DLGAP2: variants seen among roughly 807,000 people sequenced by gnomAD.
DLGAP2 encodes disks large-associated protein 2.
DLGAP2 carries 26 observed loss-of-function variants against 100.3 expected under a neutral mutation model. The ratio of observed to expected loss-of-function variants is 0.26; its 90% CI spans 0.19 to 0.36. The LOEUF (loss-of-function observed/expected upper bound fraction) is 0.36, where lower values mean the gene tolerates loss of function less well. Ranked by LOEUF, DLGAP2 falls within the 10% of genes least tolerant of loss-of-function variation. The probability of loss-of-function intolerance (pLI) is 1.00; values close to 1 mark genes in which losing one functional copy is unlikely to be tolerated. For synonymous variants in DLGAP2, 886 were observed against 630.1 expected, an observed-to-expected ratio of 1.41 and a Z score of -6.08; for missense variants, 1,858 against 1,453.2, an observed-to-expected ratio of 1.28 and a Z score of -4.53.
chr8:821,442 C>T (rs1389572657), intron 1 of DLGAP2, among the ~76,000 whole-genome samples: 3 of 152,154 alleles, frequency 2.0e-5, no homozygotes, highest in Admixed American at 6.5e-5. Flanking sequence ...GTACTTCCTC[C>T]GATTCATTTC....
At chr8:1,586,822 C>T (rs1178666863) in intron 6 of DLGAP2, among the ~76,000 whole-genome samples, 2 of 152,216 alleles carry the variant, frequency 1.3e-5, no homozygotes, top group Non-Finnish European at 2.9e-5. Flanking sequence ...GCTCAACCAC[C>T]AGTCTACTTA....
At chr8:1,294,637 C>T (rs564817932) in intron 3 of DLGAP2, among the ~76,000 whole-genome samples, 2 of 152,246 alleles carry the variant, frequency 1.3e-5, no homozygotes, top group South Asian at 2.1e-4. Context: ...TTTTTATTAT[C>T]TGTTACCAAA....
chr8:781,477 G>A (rs1254261942), intron 1 of DLGAP2, among the ~76,000 whole-genome samples: 1 of 151,980 alleles, frequency 6.6e-6, no homozygotes, highest in Non-Finnish European at 1.5e-5. Flanking sequence ...AAATATGAAA[G>A]CATTTTGAGA....
chr8:1,364,271 C>T (rs894023284), intron 3 of DLGAP2, among the ~76,000 whole-genome samples: 6 of 152,200 alleles, frequency 3.9e-5, no homozygotes, highest in Admixed American at 1.3e-4. Context: ...CCAGCTGCCC[C>T]CAGAGGAGGG....
intron 3 of DLGAP2, among the ~76,000 whole-genome samples, chr8:1,463,602 T>C (rs987655554): frequency 1.3e-5 from 2 of 152,198 alleles, no homozygotes; most frequent in Non-Finnish European, 2.9e-5. Context: ...TAAGCCTGAG[T>C]TCTGAACATG....
At chr8:1,360,836 C>T (rs758371722) in intron 3 of DLGAP2, among the ~76,000 whole-genome samples, 1 of 152,184 alleles carries the variant, frequency 6.6e-6, no homozygotes, top group Non-Finnish European at 1.5e-5. Flanking sequence ...AGGGCGTGGG[C>T]CGTCTGCACA....
At chr8:1,356,497 G>T (rs750138304) in intron 3 of DLGAP2, among the ~76,000 whole-genome samples, 1 of 152,300 alleles carries the variant, frequency 6.6e-6, no homozygotes, top group African/African-American at 2.4e-5. Flanking sequence ...TCCTGGTTCT[G>T]TCTGTGCTGG....
At chr8:1,392,007 C>T (rs1018611688) in intron 3 of DLGAP2, among the ~76,000 whole-genome samples, 39 of 152,256 alleles carry the variant, frequency 2.6e-4, no homozygotes, top group African/African-American at 9.4e-4. Context: ...GGACTGAGAG[C>T]GTGAAGAACT....
Position 1,694,464 on chromosome 8 carries a change from G to A in DLGAP2, c.2797-2683G>A, listed in dbSNP as rs190353040. On this transcript the variant is annotated intron_variant, in intron 13 of 14. Transcript: ENST00000637795. ...GAGCCTTTCGGGACGGACCGCGGGG[G>A]GCAGAGCCTCTCAGGGTCGGGATGT... is the stretch of plus-strand genomic sequence containing the variant. Among the ~76,000 whole-genome samples the A allele has an allele frequency of 2.5e-3, 380 of 152,320 alleles. 5 individuals carry two copies. Among genetic ancestry groups the A allele is most frequent in the African/African-American group, 8.6e-3 (358 of 41,578 alleles).
At chr8:1,173,323 G>T (rs913221423) in intron 2 of DLGAP2, among the ~76,000 whole-genome samples, 2 of 152,192 alleles carry the variant, frequency 1.3e-5, no homozygotes, top group African/African-American at 4.8e-5. Flanking sequence ...GCTGCTCAGG[G>T]GTCAGGGGTC....
intron 2 of DLGAP2, among the ~76,000 whole-genome samples, chr8:1,204,808 A>C (rs1797955288): frequency 6.6e-6 from 1 of 152,196 alleles, no homozygotes; most frequent in Non-Finnish European, 1.5e-5. Context: ...AGTAGAGTGC[A>C]AAGAGAGAGA....
chr8:1,179,349 G>T (rs944863414), intron 2 of DLGAP2, among the ~76,000 whole-genome samples: 6 of 152,206 alleles, frequency 3.9e-5, no homozygotes, highest in Admixed American at 3.9e-4. Flanking sequence ...ACCAGCTGAG[G>T]CTGTGGGTGG....
intron 3 of DLGAP2, among the ~76,000 whole-genome samples, chr8:1,496,263 C>G (rs1451406637): frequency 3.3e-5 from 5 of 152,116 alleles, no homozygotes; most frequent in Non-Finnish European, 5.9e-5. Flanking sequence ...AGAATCTCTA[C>G]ATGAGACATT....
chr8:1,530,144 C>G (rs1011303009), intron 4 of DLGAP2, among the ~76,000 whole-genome samples: 2 of 152,130 alleles, frequency 1.3e-5, no homozygotes, highest in Non-Finnish European at 2.9e-5. Flanking sequence ...CAGGAATTTC[C>G]TCTTCCTAAT....
At chr8:1,236,282 C>G (rs1163219847) in intron 2 of DLGAP2, among the ~76,000 whole-genome samples, 2 of 54,642 alleles carry the variant, frequency 3.7e-5, no homozygotes, top group Non-Finnish European at 7.7e-5. Context: ...CTAGTTCTCT[C>G]ACATGGCGCC....
At chr8:817,135 C>T (rs1406825348) in intron 1 of DLGAP2, among the ~76,000 whole-genome samples, 92 of 77,222 alleles carry the variant, frequency 1.2e-3, no homozygotes, top group East Asian at 5.2e-3. Context: ...AGCGAGACTC[C>T]GTCTCAAAAA....
At chr8:1,660,895 G>C (rs1798394501) in intron 8 of DLGAP2, among the ~76,000 whole-genome samples, 1 of 152,180 alleles carries the variant, frequency 6.6e-6, no homozygotes, top group Admixed American at 6.5e-5. Context: ...TTTTCCCCTT[G>C]AATGGTGTCA....
At chr8:835,149 C>T (rs375113881) in intron 1 of DLGAP2, among the ~76,000 whole-genome samples, 31 of 152,138 alleles carry the variant, frequency 2.0e-4, no homozygotes, top group African/African-American at 6.0e-4. Context: ...AGTTAATGCT[C>T]CTCGTCTGGT....
At chr8:1,462,858 T>G (rs1584927984) in intron 3 of DLGAP2, among the ~76,000 whole-genome samples, 1 of 152,220 alleles carries the variant, frequency 6.6e-6, no homozygotes, top group African/African-American at 2.4e-5. Flanking sequence ...CTATTTTATC[T>G]GAAACGATTA....
Sources: allele counts gnomAD v4.1 joint callset (sites outside exome capture counted in the v4.1 genomes callset), GRCh38; gene constraint gnomAD v4.1.1; transcripts MANE v1.5; gene names NCBI Gene and HGNC (gene_info 2026-07-23, HGNC 2026-07-21).